The following STYX variants were observed in gnomAD, a reference collection of about 807,000 sequenced individuals.
STYX encodes the protein serine/threonine/tyrosine interacting protein, also known as serine/threonine/tyrosine-interacting protein.
In STYX, 20 loss-of-function variants were observed where a neutral mutation model predicts 42.7. The ratio of observed to expected loss-of-function variants is 0.47; its 90% CI spans 0.33 to 0.68. The LOEUF is 0.68. Among genes scored for constraint, STYX ranks in the 30% least tolerant of loss-of-function variants. The pLI is 0.02. For missense variants in STYX, 226 were observed against 268.5 expected (o/e 0.84, Z 1.11); for synonymous variants, 78 against 81.9 (o/e 0.95, Z 0.26).
At chr14:52,757,430 T>A in intron 6 of STYX, 75 bp downstream of exon 6, 1 of 1,324,952 alleles carries the variant, frequency 7.5e-7, no homozygotes, top group Non-Finnish European at 1.1e-6. Flanking sequence ...GTATTTGTCT[T>A]AAATGCAGGA....
At chr14:52,743,978 T>A (rs957383858) in intron 1 of STYX, among the ~76,000 whole-genome samples, 1 of 151,694 alleles carries the variant, frequency 6.6e-6, no homozygotes, top group African/African-American at 2.4e-5. Flanking sequence ...GGCTCCACCA[T>A]GCCCAACGAA....
At chr14:52,759,539 C>G in intron 8 of STYX, 143 bp from the exon 9 acceptor site, 1 of 649,538 alleles carries the variant, frequency 1.5e-6, no homozygotes, top group South Asian at 1.8e-5. Flanking sequence ...AAGCATATAG[C>G]TGGTGAGAAA....
At chr14:52,745,339 A>G (rs1309155189) in intron 2 of STYX, among the ~76,000 whole-genome samples, 3 of 151,512 alleles carry the variant, frequency 2.0e-5, no homozygotes, top group Admixed American at 1.3e-4. Context: ...CTGGTCTCAC[A>G]CTCCTGACCT....
chr14:52,753,194 TGCC>T (rs1881701089), intron 4 of STYX, among the ~76,000 whole-genome samples: 1 of 151,656 alleles, frequency 6.6e-6, no homozygotes, highest in Admixed American at 6.6e-5. Flanking sequence ...AGATTACAGG[TGCC>T]CACCACCACT....
At chr14:52,743,978 T>C (rs957383858) in intron 1 of STYX, among the ~76,000 whole-genome samples, 2 of 151,694 alleles carry the variant, frequency 1.3e-5, no homozygotes, top group Admixed American at 1.3e-4. Flanking sequence ...GGCTCCACCA[T>C]GCCCAACGAA....
chr14:52,753,110 G>T (rs1238650218), intron 4 of STYX, among the ~76,000 whole-genome samples: 4 of 149,692 alleles, frequency 2.7e-5, no homozygotes, highest in Non-Finnish European at 5.9e-5. Context: ...GAGTGCAGTG[G>T]CATGATCTCG....
intron 4 of STYX, 101 bp downstream of exon 4, chr14:52,750,881 T>A (rs1881585389): frequency 3.0e-6 from 2 of 676,922 alleles, no homozygotes; most frequent in South Asian, 4.5e-5. Context: ...TAAAAATGGG[T>A]CATATAGTAC....
chr14:52,755,132 T>TG (rs1451367605), intron 4 of STYX, among the ~76,000 whole-genome samples: 50 of 151,090 alleles, frequency 3.3e-4, no homozygotes, highest in African/African-American at 1.2e-3. Context: ...TTTTTTTTTT[T>TG]TTGTTTTTGA....
chr14:52,732,265 G>GC (rs1880755428), intron 1 of STYX, among the ~76,000 whole-genome samples: 1 of 106,842 alleles, frequency 9.4e-6, no homozygotes, highest in Admixed American at 1.0e-4. Context: ...GCCAGGCCCA[G>GC]CTTTTTTTTT....
At chr14:52,758,135 A>T (rs1277582035) in intron 8 of STYX, among the ~76,000 whole-genome samples, 1 of 152,188 alleles carries the variant, frequency 6.6e-6, no homozygotes, top group Non-Finnish European at 1.5e-5. Flanking sequence ...TCCTATGGAA[A>T]ACTACTTACC....
At chr14:52,767,855 A>T (rs1000391986) in intron 9 of STYX, among the ~76,000 whole-genome samples, 4 of 152,198 alleles carry the variant, frequency 2.6e-5, no homozygotes, top group African/African-American at 9.7e-5. Flanking sequence ...GGTGATTCTC[A>T]TGTATATCCA....
chr14:52,743,952 G>C (rs1399729903), intron 1 of STYX, among the ~76,000 whole-genome samples: 2 of 152,084 alleles, frequency 1.3e-5, no homozygotes, highest in African/African-American at 4.8e-5. Context: ...CTCCTGTGTA[G>C]ATGGGATTAC....
At chr14:52,739,085 G>A (rs1881079580) in intron 1 of STYX, among the ~76,000 whole-genome samples, 1 of 149,390 alleles carries the variant, frequency 6.7e-6, no homozygotes, top group South Asian at 2.1e-4. Flanking sequence ...GAAATATCAC[G>A]GATTTTGTTT....
chr14:52,768,940 AT>A lies in STYX; in HGVS notation c.598+14del. On this transcript the variant is annotated splice_region_variant and intron_variant, in intron 10 of 10. Transcript: ENST00000354586. ...GTTCATTCTGGTACCACAGGTAAGG[AT>A]TTTTTTCTTTTTGGAGAAATTTGGG... 3 of 1,560,038 alleles carry A rather than the reference AT, an allele frequency of 1.9e-6. No individual in the cohort carries two copies. The highest frequency in any genetic ancestry group is 2.0e-5 in the Admixed American group (1 of 49,460).
intron 1 of STYX, among the ~76,000 whole-genome samples, chr14:52,731,018 A>G (rs1015483765): frequency 6.6e-6 from 1 of 152,226 alleles, no homozygotes; most frequent in African/African-American, 2.4e-5. Context: ...CCGCACAACA[A>G]AGTGTCTCAA....
intron 9 of STYX, among the ~76,000 whole-genome samples, chr14:52,768,061 T>C (rs904439433): frequency 6.6e-6 from 1 of 152,168 alleles, no homozygotes; most frequent in Non-Finnish European, 1.5e-5. Flanking sequence ...TTCCTGACTT[T>C]GTCATACCAT....
Position 52,772,944 on chromosome 14 carries a change from T to A in STYX, c.*1838T>A, listed in dbSNP as rs1200648396. 4 of 152,106 alleles carry A rather than the reference T, an allele frequency of 2.6e-5. No homozygotes were observed. The East Asian group carries it at 7.7e-4, about 29-fold the overall frequency. 9.4% of individuals were successfully genotyped at this position (152,106 alleles called of 1,614,324 possible). A position where few individuals can be genotyped will look rare whatever the true frequency, so the allele number is the denominator to read the frequency against. ...AAGATTCGCATTGGGTTTTCTAAAA[T>A]TCCAGTTGATAAAAGTTCCAGATAA... On this transcript the variant is annotated 3_prime_UTR_variant, in exon 11 of 11. Transcript: ENST00000354586.
rs56734068 is a variant in STYX at position 52,753,892 on chromosome 14, A to ATTTTTTTTT, written c.243-2640_243-2632dup. Among the ~76,000 whole-genome samples the ATTTTTTTTT allele has an allele frequency of 3.9e-5, 3 of 77,234 alleles. 1 individual carries two copies. Among genetic ancestry groups the ATTTTTTTTT allele is most frequent in the Non-Finnish European group, 7.4e-5 (3 of 40,634 alleles). 50.7% of individuals were successfully genotyped at this position (77,234 alleles called of 152,430 possible). A position where few individuals can be genotyped will look rare whatever the true frequency, so the allele number is the denominator to read the frequency against. ...TAAAAAGGAATATCCCAAAACACTG[A>ATTTTTTTTT]TTTTTTTTTTTTTTTTTTTTTTTTT... On this transcript the variant is annotated intron_variant, in intron 4 of 10. Coordinates refer to ENST00000354586, the MANE Select transcript of STYX (RefSeq NM_145251.4).
intron 1 of STYX, among the ~76,000 whole-genome samples, chr14:52,732,188 CG>C (rs920687640): frequency 5.4e-5 from 8 of 149,524 alleles, no homozygotes; most frequent in Non-Finnish European, 1.0e-4. Flanking sequence ...GCCTCTGCCT[CG>C]GGTCCCGGTT....
Sources: allele counts gnomAD v4.1 joint callset (sites outside exome capture counted in the v4.1 genomes callset), GRCh38; gene constraint gnomAD v4.1.1; transcripts MANE v1.5; gene names NCBI Gene and HGNC (gene_info 2026-07-23, HGNC 2026-07-21).